LAMA1: variants seen among roughly 807,000 people sequenced by gnomAD.
LAMA1 encodes laminin subunit alpha 1, also known as laminin subunit alpha-1.
In LAMA1, 219 loss-of-function variants were observed where a neutral mutation model predicts 348.7. The observed-to-expected ratio is 0.63, with a 90% CI of 0.56 to 0.70. The LOEUF is 0.70. Among genes scored for constraint, LAMA1 ranks in the 30% least tolerant of loss-of-function variants. The probability of loss-of-function intolerance (pLI) is 0.00; values close to 1 mark genes in which losing one functional copy is unlikely to be tolerated. For missense variants in LAMA1, 3,744 were observed against 3,888.0 expected (o/e 0.96, Z 0.99); for synonymous variants, 1,487 against 1,491.0 (o/e 1.00, Z 0.06).
chr18:7,037,619 T>A lies in LAMA1; in HGVS notation c.1696A>T (p.Lys566Ter). Residue 566 changes from lysine (K) to a stop codon, truncating the protein, a stop_gained, in exon 12 of 63, where the codon AAG becomes TAG. Coordinates refer to ENST00000389658, the MANE Select transcript of LAMA1 (RefSeq NM_005559.4). LOFTEE classifies it high-confidence loss of function. ...GCCTCGGGGGCTGCCCAGTAGTACT[T>A]GGGAGCCAGTCTCTGCATGACCGCG... The part of the protein sequence containing the change: ...NTAVMQRLAP[K>*]YYWAAPEAYL... 1 of 1,614,082 alleles carries A rather than the reference T, an allele frequency of 6.2e-7. No individual in the cohort carries two copies. The highest frequency in any genetic ancestry group is 8.5e-7 in the Non-Finnish European group (1 of 1,180,012).
chr18:6,988,808 T>TA (rs1169877701), intron 36 of LAMA1, among the ~76,000 whole-genome samples: 2,878 of 100,422 alleles, frequency 0.029, 135 homozygotes, highest in African/African-American at 0.088. Context: ...TCCGTCTCAA[T>TA]AAAAAAAAAA....
At chr18:6,969,917 C>A (rs1482695851) in intron 48 of LAMA1, among the ~76,000 whole-genome samples, 5 of 152,202 alleles carry the variant, frequency 3.3e-5, no homozygotes, top group African/African-American at 1.2e-4. Flanking sequence ...TTCAAAATAC[C>A]TCTGGAAATG....
At chr18:7,085,701 A>G (rs577614987) in intron 1 of LAMA1, among the ~76,000 whole-genome samples, 80 of 152,224 alleles carry the variant, frequency 5.3e-4, no homozygotes, top group Middle Eastern at 6.8e-3. Flanking sequence ...TACAGGCGTG[A>G]GCCACCGCTC....
At position 7,010,237 on chromosome 18, in the gene LAMA1, T is replaced by A; in HGVS notation, c.3836A>T (p.Asn1279Ile). 1 of 1,614,180 alleles carries A rather than the reference T, an allele frequency of 6.2e-7. No homozygotes were observed. Among genetic ancestry groups the A allele is most frequent in the East Asian group, 2.2e-5 (1 of 44,870 alleles). The change falls in exon 26 of 63, where the codon AAT (asparagine) becomes ATT (isoleucine). Residue 1279 changes from asparagine (N) to isoleucine (I), a missense_variant. Physicochemically the swap from Asn to Ile is moderately radical, Grantham distance 149 (BLOSUM62 -3). Transcript: ENST00000389658. Reference sequence around the variant, plus strand: ...TACTTCTTGTTCCTGTCTCACTCCATTCTCTGGGGCTGGTGCATCCATGTA... The same window carrying A: ...TACTTCTTGTTCCTGTCTCACTCCAATCTCTGGGGCTGGTGCATCCATGTA... ...VIYMDAPAPE[N>I]GVRQEQEVAM...
intron 22 of LAMA1, among the ~76,000 whole-genome samples, 157 bp downstream of exon 22, chr18:7,015,559 TGTGAGC>T (rs914060040): frequency 6.6e-6 from 1 of 151,766 alleles, no homozygotes; most frequent in African/African-American, 2.4e-5. Context: ...TGATTACAGG[TGTGAGC>T]CACTGTGCCT....
chr18:6,944,683 G>C lies in LAMA1; in HGVS notation c.8845-1281C>G, dbSNP rs151055386. 7.9e-4 allele frequency among the ~76,000 whole-genome samples: 121 copies of C among 152,268 alleles called. 1 individual carries two copies. Among genetic ancestry groups the C allele is most frequent in the African/African-American group, 2.8e-3 (116 of 41,558 alleles). On this transcript the variant is annotated intron_variant, in intron 61 of 62. Coordinates refer to ENST00000389658, the MANE Select transcript of LAMA1 (RefSeq NM_005559.4). ...CTGTAAGTCAAAGAGACAGGCCTCA[G>C]AATAAAGAACCTTACTAACACATTG...
Position 7,032,177 on chromosome 18 carries a change from C to T in LAMA1, c.2164-1G>A. On this transcript the variant is annotated splice_acceptor_variant, in intron 15 of 62. Transcript: ENST00000389658. LOFTEE classifies it high-confidence loss of function. ...CGCGGTAATAGCCAGAGAGGCACGA[C>T]TGCAAGAGAAGGGAAAGTCATCCTC... is the stretch of plus-strand genomic sequence containing the variant. 1.2e-6 allele frequency: 2 copies of T among 1,604,466 alleles called. No homozygotes were observed. Among genetic ancestry groups the T allele is most frequent in the Non-Finnish European group, 1.7e-6 (2 of 1,171,220 alleles).
chr18:7,047,504 A>G (rs1287212443), intron 5 of LAMA1, among the ~76,000 whole-genome samples: 1 of 152,190 alleles, frequency 6.6e-6, no homozygotes, highest in Non-Finnish European at 1.5e-5. Flanking sequence ...TGTCTTATAA[A>G]ATTCTTCACA....
intron 57 of LAMA1, chr18:6,954,234 C>G (rs907619861): frequency 2.0e-5 from 3 of 152,286 alleles, no homozygotes; most frequent in African/African-American, 7.2e-5. Context: ...ACATCCATCT[C>G]CTTGGCCTTG....
At position 7,021,847 on chromosome 18, in the gene LAMA1, T is replaced by C. The variant is rs530294846; in HGVS notation, c.2701+1317A>G. Among the ~76,000 whole-genome samples the C allele has an allele frequency of 3.2e-4, 20 of 61,720 alleles. No individual in the cohort carries two copies. In the East Asian group the frequency reaches 5.2e-3, roughly 16 times the overall value. The allele number at this position is 61,720 out of a possible 152,430, so 40.5% of individuals were successfully genotyped here. A position where few individuals can be genotyped will look rare whatever the true frequency, so the allele number is the denominator to read the frequency against. ...TTATATAATATAATAATATATTATA[T>C]TATATTATATATATTATATATTAGA... is the stretch of plus-strand genomic sequence containing the variant. On this transcript the variant is annotated intron_variant, in intron 19 of 62. Transcript: ENST00000389658.
intron 44 of LAMA1, among the ~76,000 whole-genome samples, chr18:6,977,422 C>T (rs537381973): frequency 1.3e-5 from 2 of 152,310 alleles, no homozygotes; most frequent in East Asian, 1.9e-4. Flanking sequence ...TGACATGTTC[C>T]GCACTGTCCA....
Position 7,073,688 on chromosome 18 carries a change from C to T in LAMA1, c.345+6287G>A, listed in dbSNP as rs2058155128. Among the ~76,000 whole-genome samples, 5 of 152,244 alleles carry T rather than the reference C, an allele frequency of 3.3e-5. No individual in the cohort carries two copies. In the South Asian group the frequency reaches 1.0e-3, roughly 32 times the overall value. On this transcript the variant is annotated intron_variant, in intron 3 of 62. Transcript: ENST00000389658. ...TGATGGACATCTGGGTTGCTTCCACCTCCTGGCTACTGTGAATAATGCTGC... is the reference window on the plus strand; with the variant it reads ...TGATGGACATCTGGGTTGCTTCCACTTCCTGGCTACTGTGAATAATGCTGC...
intron 30 of LAMA1, among the ~76,000 whole-genome samples, chr18:7,000,791 C>T (rs368024908): frequency 6.6e-6 from 1 of 152,146 alleles, no homozygotes; most frequent in African/African-American, 2.4e-5. Flanking sequence ...AAGTTTCCAG[C>T]GTCAGTTATC....
At position 7,026,089 on chromosome 18, in the gene LAMA1, G is replaced by A; in HGVS notation, c.2292C>T (p.Thr764=). ...AGCACTGCTCACAGTGGACGCCGGT[G>A]GTGTTGTGCGCACACGCCTAGGAAC... ...HGVCIACAHN[T]TGVHCEQCLP... Residue 764 remains threonine, a synonymous_variant, in exon 17 of 63, where the codon ACC becomes ACT. Transcript: ENST00000389658. 1 of 1,611,356 alleles carries A rather than the reference G, an allele frequency of 6.2e-7. No homozygotes were observed. Among genetic ancestry groups the A allele is most frequent in the Non-Finnish European group, 8.5e-7 (1 of 1,178,658 alleles).
In LAMA1 at chr18:6,985,727, T is replaced by G. The variant is rs1021308371; in HGVS notation, c.5380-84A>C. The G allele has an allele frequency of 6.4e-5, 54 of 840,178 alleles. No homozygotes were observed. The African/African-American group carries it at 9.1e-4, about 14-fold the overall frequency. 52.0% of individuals were successfully genotyped at this position (840,178 alleles called of 1,614,324 possible). ...TGGTGCCTAATGCTACGTGCAGAAG[T>G]TAGTGCATGGGACTCACTTTTATTT... On this transcript the variant is annotated intron_variant, in intron 37 of 62. Coordinates refer to ENST00000389658, the MANE Select transcript of LAMA1 (RefSeq NM_005559.4).
Position 7,033,089 on chromosome 18 carries a change from C to T in LAMA1, c.2058G>A (p.Glu686=). 1.9e-6 allele frequency: 3 copies of T among 1,605,940 alleles called. No homozygotes were observed. The highest frequency in any genetic ancestry group is 1.3e-5 in the African/African-American group (1 of 74,770). Residue 686 remains glutamate, a synonymous_variant, in exon 15 of 63, where the codon GAG becomes GAA. Coordinates refer to ENST00000389658, the MANE Select transcript of LAMA1 (RefSeq NM_005559.4). ...AGCTGGCTATGTCCAGAGAGACGGA[C>T]TCCAACCTACAAATAGACAGATTGT... The part of the protein sequence containing the change: ...NSAKMALYRL[E]SVSLDIASSN...
At chr18:6,942,774 A>T (rs2057505054) in intron 62 of LAMA1, among the ~76,000 whole-genome samples, 1 of 152,186 alleles carries the variant, frequency 6.6e-6, no homozygotes, top group Non-Finnish European at 1.5e-5. Context: ...GTCATACAAC[A>T]GGTGTTTATT....
chr18:7,046,240 T>A (rs2058041497), intron 6 of LAMA1, 38 bp downstream of exon 6: 1 of 1,303,784 alleles, frequency 7.7e-7, no homozygotes, highest in Admixed American at 1.7e-5. Context: ...CAATTTCTGT[T>A]TTGAAGTTTT....
At chr18:7,094,464 C>T (rs2058252686) in intron 1 of LAMA1, among the ~76,000 whole-genome samples, 2 of 151,306 alleles carry the variant, frequency 1.3e-5, no homozygotes, top group African/African-American at 4.9e-5. Context: ...TAGATGATCT[C>T]CTGGACCTTT....
Sources: allele counts gnomAD v4.1 joint callset (sites outside exome capture counted in the v4.1 genomes callset), GRCh38; gene constraint gnomAD v4.1.1; transcripts MANE v1.5; gene names NCBI Gene and HGNC (gene_info 2026-07-23, HGNC 2026-07-21).